Variants in PCDH15 observed in about 807,000 individuals in gnomAD.
PCDH15 encodes the protein protocadherin-15.
In PCDH15, 129 loss-of-function variants were observed where a neutral mutation model predicts 178.5. The observed-to-expected ratio is 0.72, with a 90% CI of 0.63 to 0.84. The LOEUF is 0.84. Among genes scored for constraint, PCDH15 ranks in the 40% least tolerant of loss-of-function variants. The probability of loss-of-function intolerance (pLI) is 0.00; values close to 1 mark genes in which losing one functional copy is unlikely to be tolerated. For missense variants in PCDH15, 2,230 were observed against 2,099.9 expected (o/e 1.06, Z -1.21); for synonymous variants, 800 against 732.0 (o/e 1.09, Z -1.50).
At position 55,609,689 on chromosome 10, in the gene PCDH15, G is replaced by A. The variant is rs960601978; in HGVS notation, c.-156+17936C>T. Among the ~76,000 whole-genome samples, 10 of 152,008 alleles carry A rather than the reference G, an allele frequency of 6.6e-5. No homozygotes were observed. In the South Asian group the frequency reaches 8.3e-4, roughly 13 times the overall value. On this transcript the variant is annotated intron_variant, in intron 2 of 5. Coordinates refer to the PCDH15 transcript ENST00000613346. ...CAAAAATCTGAAAAAAATCATAATC[G>A]TGCTATCTATTTAACATTAGGCTTA...
intron 8 of PCDH15, among the ~76,000 whole-genome samples, chr10:54,304,721 G>A (rs11004212): frequency 6.6e-6 from 1 of 151,860 alleles, no homozygotes. Flanking sequence ...AAAAATAAGC[G>A]ATAGGGAGCA....
rs553755487 is a variant in PCDH15 at position 55,415,055 on chromosome 10, T to C, written c.-156+212570A>G. On this transcript the variant is annotated intron_variant, in intron 2 of 5. Coordinates refer to the PCDH15 transcript ENST00000613346. Reference sequence around the variant, plus strand: ...GATTATGTTAGTTGTAAGATGTTTATAAATGGCCTTTATTAAGGTGAGGGA... The same window carrying C: ...GATTATGTTAGTTGTAAGATGTTTACAAATGGCCTTTATTAAGGTGAGGGA... Among the ~76,000 whole-genome samples, 25 of 151,786 alleles carry C rather than the reference T, an allele frequency of 1.6e-4. No individual in the cohort carries two copies. The South Asian group carries it at 5.0e-3, about 30-fold the overall frequency.
At chr10:54,271,571 A>G (rs1315034067) in intron 8 of PCDH15, among the ~76,000 whole-genome samples, 2 of 152,160 alleles carry the variant, frequency 1.3e-5, no homozygotes, top group African/African-American at 4.8e-5. Context: ...TGCTACAAAC[A>G]TTGTATACTT....
chr10:55,506,684 A>G (rs1037876727), intron 2 of PCDH15, among the ~76,000 whole-genome samples: 6 of 151,688 alleles, frequency 4.0e-5, no homozygotes, highest in South Asian at 4.1e-4. Flanking sequence ...GGGAGAGTGT[A>G]TAATTTATAG....
intron 3 of PCDH15, among the ~76,000 whole-genome samples, chr10:54,511,586 G>A (rs1012039097): frequency 6.6e-5 from 10 of 152,248 alleles, no homozygotes; most frequent in African/African-American, 2.2e-4. Flanking sequence ...CAGTTTATGT[G>A]ATATATCATA....
Position 54,079,437 on chromosome 10 carries a change from C to A in PCDH15, c.1998-13G>T, listed in dbSNP as rs727504616. 1.9e-6 allele frequency: 3 copies of A among 1,601,538 alleles called. No individual in the cohort carries two copies. In the East Asian group the frequency reaches 6.7e-5, roughly 36 times the overall value. On this transcript the variant is annotated splice_polypyrimidine_tract_variant and intron_variant, in intron 16 of 37. Transcript: ENST00000644397. The stretch of plus-strand genomic sequence containing the variant: ...TAGAATCCCCGTGCTAGTGACAAAA[C>A]AAACAAACAAATAAGACAAAAAGAG...
chr10:55,136,103 CATT>C (rs1838190967), intron 2 of PCDH15, among the ~76,000 whole-genome samples: 1 of 152,148 alleles, frequency 6.6e-6, no homozygotes, highest in South Asian at 2.1e-4. Context: ...AACTGAGTAA[CATT>C]ATGAAAATAA....
chr10:54,490,950 A>T (rs1310819206), intron 3 of PCDH15, among the ~76,000 whole-genome samples: 1 of 152,162 alleles, frequency 6.6e-6, no homozygotes, highest in Non-Finnish European at 1.5e-5. Context: ...ATTAGCTTTA[A>T]TGGCATTGGG....
At chr10:54,879,724 A>T (rs1954225472) in intron 3 of PCDH15, among the ~76,000 whole-genome samples, 1 of 151,390 alleles carries the variant, frequency 6.6e-6, no homozygotes, top group African/African-American at 2.4e-5. Context: ...TTCATAATGA[A>T]ATTCACATTC....
chr10:55,519,327 C>T (rs1342871400), intron 2 of PCDH15, among the ~76,000 whole-genome samples: 2 of 147,526 alleles, frequency 1.4e-5, no homozygotes, highest in African/African-American at 2.5e-5. Context: ...CTGTAAAATT[C>T]TATTTGTATA....
chr10:53,813,755 C>T (rs2075962495), intron 35 of PCDH15, among the ~76,000 whole-genome samples: 1 of 152,020 alleles, frequency 6.6e-6, no homozygotes, highest in South Asian at 2.1e-4. Context: ...GAATGTTGAG[C>T]AATATAGGTC....
chr10:54,464,825 G>C (rs12219968), intron 3 of PCDH15, among the ~76,000 whole-genome samples: 17,507 of 152,054 alleles, frequency 0.12, 1,172 homozygotes, highest in East Asian at 0.32. Flanking sequence ...TTAAAAGACA[G>C]AATAATGATC....
At chr10:55,266,004 AC>A (rs1055352470) in intron 1 of PCDH15, among the ~76,000 whole-genome samples, 3 of 152,132 alleles carry the variant, frequency 2.0e-5, no homozygotes, top group African/African-American at 7.2e-5. Flanking sequence ...TGCTAAAGAT[AC>A]GGCAAAAACA....
intron 18 of PCDH15, among the ~76,000 whole-genome samples, chr10:54,046,497 T>A (rs1378287180): frequency 6.6e-6 from 1 of 152,030 alleles, no homozygotes; most frequent in Non-Finnish European, 1.5e-5. Flanking sequence ...AAGTTAAATA[T>A]GAATGAAAGA....
intron 2 of PCDH15, among the ~76,000 whole-genome samples, chr10:55,466,717 G>A (rs1448253696): frequency 6.6e-6 from 1 of 152,114 alleles, no homozygotes; most frequent in Admixed American, 6.6e-5. Flanking sequence ...GGAAGATACA[G>A]GAAGGAACTG....
intron 25 of PCDH15, among the ~76,000 whole-genome samples, chr10:53,919,825 C>T (rs556335681): frequency 6.6e-6 from 1 of 151,926 alleles, no homozygotes; most frequent in Non-Finnish European, 1.5e-5. Flanking sequence ...ACTTCTATGC[C>T]TAGGACCACA....
At chr10:54,698,652 T>C (rs1264953130) in intron 1 of PCDH15, among the ~76,000 whole-genome samples, 1 of 152,146 alleles carries the variant, frequency 6.6e-6, no homozygotes, top group African/African-American at 2.4e-5. Context: ...TTTAATTCTC[T>C]ATTTTCAATT....
chr10:54,098,190 T>TTGTGTGTGTGTG (rs35596789), intron 15 of PCDH15, among the ~76,000 whole-genome samples: 1 of 143,104 alleles, frequency 7.0e-6, no homozygotes, highest in Non-Finnish European at 1.5e-5. Flanking sequence ...GAAAATAAAG[T>TTGTGTGTGTGTG]TGTGTGTGTG....
intron 2 of PCDH15, among the ~76,000 whole-genome samples, chr10:55,417,456 T>C (rs1276771698): frequency 6.6e-6 from 1 of 151,670 alleles, no homozygotes; most frequent in Non-Finnish European, 1.5e-5. Context: ...CACAAATAAT[T>C]GCTATCTCCC....
Sources: allele counts gnomAD v4.1 joint callset (sites outside exome capture counted in the v4.1 genomes callset), GRCh38; gene constraint gnomAD v4.1.1; transcripts MANE v1.5; gene names NCBI Gene and HGNC (gene_info 2026-07-23, HGNC 2026-07-21).